The following KAZN variants were observed in gnomAD, a reference collection of about 807,000 sequenced individuals.
KAZN encodes kazrin, periplakin interacting protein, also known as kazrin.
KAZN carries 40 observed loss-of-function variants against 87.4 expected under a neutral mutation model. That is an observed-to-expected ratio of 0.46 (90% CI 0.36 to 0.60). KAZN has a LOEUF of 0.60. Ranked by LOEUF, KAZN falls within the 20% of genes least tolerant of loss-of-function variation. The probability of loss-of-function intolerance (pLI) is 0.00; values close to 1 mark genes in which losing one functional copy is unlikely to be tolerated. For synonymous variants in KAZN, 466 were observed against 458.3 expected (o/e 1.02, Z -0.22); for missense variants, 898 against 1,073.9 (o/e 0.84, Z 2.29).
intron 4 of KAZN, among the ~76,000 whole-genome samples, chr1:15,045,713 T>A (rs1335813292): frequency 2.0e-5 from 3 of 152,188 alleles, no homozygotes; most frequent in African/African-American, 7.2e-5. Context: ...CAGAAACTCA[T>A]AATCATGGCG....
intron 1 of KAZN, among the ~76,000 whole-genome samples, chr1:14,858,203 C>CTT (rs1388659468): frequency 2.3e-4 from 22 of 95,102 alleles, no homozygotes; most frequent in African/African-American, 1.1e-3. Context: ...TTTCTTTTTT[C>CTT]TTTTTCTTTT....
At chr1:15,058,284 A>G (rs1438920773) in intron 5 of KAZN, among the ~76,000 whole-genome samples, 2 of 152,198 alleles carry the variant, frequency 1.3e-5, no homozygotes, top group African/African-American at 4.8e-5. Flanking sequence ...GGGGCTAGGG[A>G]GGATGCCCAA....
At chr1:13,980,980 G>A (rs1198924255) in intron 1 of KAZN, among the ~76,000 whole-genome samples, 3 of 149,154 alleles carry the variant, frequency 2.0e-5, no homozygotes, top group African/African-American at 7.4e-5. Context: ...CCAGAACCTG[G>A]GGGAAGCTGT....
At chr1:14,526,435 A>G (rs1671868487) in intron 2 of KAZN, among the ~76,000 whole-genome samples, 1 of 152,194 alleles carries the variant, frequency 6.6e-6, no homozygotes, top group African/African-American at 2.4e-5. Flanking sequence ...CCATGTGCCA[A>G]GTGCCCCGGA....
chr1:14,283,670 C>T (rs1007407565), intron 2 of KAZN, among the ~76,000 whole-genome samples: 1 of 152,148 alleles, frequency 6.6e-6, no homozygotes, highest in Non-Finnish European at 1.5e-5. Context: ...CCTTTGGGAA[C>T]AATCTGCCAG....
intron 1 of KAZN, among the ~76,000 whole-genome samples, chr1:14,732,415 T>C (rs1352359349): frequency 2.0e-5 from 3 of 152,134 alleles, no homozygotes; most frequent in Non-Finnish European, 4.4e-5. Context: ...GAGGCAGGTG[T>C]ATTGCTTGAG....
intron 1 of KAZN, among the ~76,000 whole-genome samples, chr1:14,611,411 G>C (rs991495138): frequency 6.6e-6 from 1 of 152,210 alleles, no homozygotes; most frequent in Non-Finnish European, 1.5e-5. Flanking sequence ...TTGAGTTTTA[G>C]GTTTGTATTA....
chr1:15,067,882 A>G (rs1350278152), intron 8 of KAZN: 1 of 950,532 alleles, frequency 1.1e-6, no homozygotes, highest in Non-Finnish European at 1.2e-6. Flanking sequence ...GTTGATTTTT[A>G]TCATTTTCCC....
Position 14,461,641 on chromosome 1 carries a change from C to T in KAZN, c.250-137342C>T, listed in dbSNP as rs114076241. On this transcript the variant is annotated intron_variant, in intron 2 of 16. Transcript: ENST00000636203. Reference sequence around the variant, plus strand: ...TAAGTGCAATTAGTTTATTTGCTTCCCTCTTCTGAACTGAGGGGACAAGAC... The same window carrying T: ...TAAGTGCAATTAGTTTATTTGCTTCTCTCTTCTGAACTGAGGGGACAAGAC... 6.9e-3 allele frequency among the ~76,000 whole-genome samples: 1,048 copies of T among 152,146 alleles called. 14 individuals are homozygous for T. Among genetic ancestry groups the T allele is most frequent in the African/African-American group, 0.024 (996 of 41,492 alleles).
In KAZN at chr1:14,949,056, C is replaced by T. The variant is rs1662159059; in HGVS notation, c.227-11628C>T. Among the ~76,000 whole-genome samples the T allele has an allele frequency of 6.6e-6, 1 of 151,850 alleles. No individual in the cohort carries two copies. Among genetic ancestry groups the T allele is most frequent in the Non-Finnish European group, 1.5e-5 (1 of 67,988 alleles). ...CCTGTAATCCCAGCTACTCGGGAAG[C>T]TGAGTCAGGGCACTTGAACCCAGGA... is the stretch of plus-strand genomic sequence containing the variant. On this transcript the variant is annotated intron_variant, in intron 1 of 14. Coordinates refer to ENST00000376030, the MANE Select transcript of KAZN (RefSeq NM_201628.3). The surrounding 1 kb of genome is among the most constrained non-coding windows in gnomAD (Gnocchi z 4.3).
intron 1 of KAZN, among the ~76,000 whole-genome samples, chr1:14,829,669 G>A (rs551349724): frequency 1.4e-4 from 21 of 152,354 alleles, no homozygotes; most frequent in African/African-American, 4.6e-4. Flanking sequence ...GGGCAGACTG[G>A]AGGAGAGACG....
At chr1:14,764,384 A>C (rs865801376) in intron 1 of KAZN, among the ~76,000 whole-genome samples, 10,713 of 103,570 alleles carry the variant, frequency 0.1, 58 homozygotes, top group Non-Finnish European at 0.12. Context: ...CCCCTCCCCC[A>C]CACCCCCCCC....
intron 1 of KAZN, among the ~76,000 whole-genome samples, chr1:14,785,196 A>G (rs150968355): frequency 0.012 from 1,778 of 152,210 alleles, 56 homozygotes; most frequent in Admixed American, 0.077. Flanking sequence ...CATGGATTCC[A>G]AAAAAAGTTG....
intron 2 of KAZN, among the ~76,000 whole-genome samples, chr1:14,324,601 A>AAT: frequency 6.6e-6 from 1 of 152,188 alleles, no homozygotes; most frequent in East Asian, 1.9e-4. Flanking sequence ...AAAATAAGAC[A>AAT]TAATGGCCTT....
intron 1 of KAZN, among the ~76,000 whole-genome samples, chr1:14,018,256 GT>G (rs1297299387): frequency 6.6e-6 from 1 of 152,160 alleles, no homozygotes; most frequent in Non-Finnish European, 1.5e-5. Context: ...TCATTGTGAA[GT>G]TTGTTTCAAC....
intron 1 of KAZN, among the ~76,000 whole-genome samples, chr1:14,858,024 T>C (rs1650336352): frequency 6.6e-6 from 1 of 152,156 alleles, no homozygotes; most frequent in African/African-American, 2.4e-5. Flanking sequence ...ATTTGCCTAT[T>C]CTGTGAATTT....
intron 2 of KAZN, among the ~76,000 whole-genome samples, chr1:14,252,015 C>T (rs1274244203): frequency 6.6e-6 from 1 of 151,984 alleles, no homozygotes; most frequent in Non-Finnish European, 1.5e-5. Context: ...AGAAAGAGGC[C>T]AGGAAAGGGG....
In KAZN at chr1:14,573,652, A is replaced by T. The variant is rs564008473; in HGVS notation, c.250-25331A>T. On this transcript the variant is annotated intron_variant, in intron 2 of 16. Coordinates refer to the KAZN transcript ENST00000636203. Reference sequence around the variant, plus strand: ...ATACAGCAAGACTCTGTCTCAAAAAATTTTTTAAAAAAGAAAGAAATACAC... The same window carrying T: ...ATACAGCAAGACTCTGTCTCAAAAATTTTTTTAAAAAAGAAAGAAATACAC... Among the ~76,000 whole-genome samples the T allele has an allele frequency of 1.6e-4, 24 of 152,310 alleles. No homozygotes were observed. The South Asian group carries it at 3.7e-3, about 24-fold the overall frequency.
chr1:15,024,227 C>T (rs892360961), intron 2 of KAZN, among the ~76,000 whole-genome samples: 4 of 152,040 alleles, frequency 2.6e-5, no homozygotes, highest in Admixed American at 2.0e-4. Context: ...GAACACGGGC[C>T]CTGGAGGTCA....
Sources: allele counts gnomAD v4.1 joint callset (sites outside exome capture counted in the v4.1 genomes callset), GRCh38; gene constraint gnomAD v4.1.1; non-coding constraint Gnocchi (gnomAD v3.1); transcripts MANE v1.5; gene names NCBI Gene and HGNC (gene_info 2026-07-23, HGNC 2026-07-21).